Variants in IQSEC2 observed in about 807,000 individuals in gnomAD.
IQSEC2 encodes the protein IQ motif and Sec7 domain ArfGEF 2, also known as IQ motif and SEC7 domain-containing protein 2.
A neutral mutation model predicts 74.6 loss-of-function variants in IQSEC2; 6 were observed. The ratio of observed to expected loss-of-function variants is 0.08; its 90% CI spans 0.04 to 0.16. The LOEUF (loss-of-function observed/expected upper bound fraction) is 0.16. Ranked by LOEUF, IQSEC2 falls within the 10% of genes least tolerant of loss-of-function variation. The pLI is 1.00. For missense variants in IQSEC2, 734 were observed against 1,306.2 expected (o/e 0.56, Z 6.75); for synonymous variants, 494 against 544.5 (o/e 0.91, Z 1.29).
Position 53,236,446 on chromosome X carries a change from A to T in IQSEC2, c.3327T>A (p.Pro1109=). 2 of 1,202,623 alleles carry T rather than the reference A, an allele frequency of 1.7e-6. No individual in the cohort carries two copies. The highest frequency in any genetic ancestry group is 2.2e-6 in the Non-Finnish European group (2 of 890,598). ...KGMMRPNASQ[P]GGAKDSVNGT... is the part of the protein sequence containing the mutation. ...CATTCACTGAGTCCTTGGCCCCTCCAGGCTGTGAGGCGTTAGGCCGCATCA... is the reference window on the plus strand; with the variant it reads ...CATTCACTGAGTCCTTGGCCCCTCCTGGCTGTGAGGCGTTAGGCCGCATCA... Residue 1109 remains proline (P), a synonymous_variant, in exon 13 of 15, where the codon CCT becomes CCA. Transcript: ENST00000642864.
chrX:53,240,774 CTT>C (rs34233943), intron 10 of IQSEC2, among the ~76,000 whole-genome samples: 15 of 96,966 alleles, frequency 1.5e-4, no homozygotes, highest in Admixed American at 2.3e-4. Context: ...CTTCAAGCAT[CTT>C]TTTTTTTTTT....
At chrX:53,311,498 T>C (rs1556878038) in intron 1 of IQSEC2, among the ~76,000 whole-genome samples, 2 of 111,688 alleles carry the variant, frequency 1.8e-5, no homozygotes, top group African/African-American at 6.5e-5. Flanking sequence ...TCTAGACTGC[T>C]GTACCAGCCT....
intron 2 of IQSEC2, among the ~76,000 whole-genome samples, chrX:53,268,724 G>A (rs1274225081): frequency 2.7e-5 from 3 of 111,734 alleles, no homozygotes; most frequent in African/African-American, 9.8e-5. Flanking sequence ...GGGTCCTCAA[G>A]TTGGCATTCA....
chrX:53,318,809 C>T (rs1569340736), intron 1 of IQSEC2, among the ~76,000 whole-genome samples: 1 of 113,026 alleles, frequency 8.8e-6, no homozygotes, highest in Non-Finnish European at 1.9e-5. Context: ...CAGCCAGGCT[C>T]GACCATACCC....
chrX:53,291,835 G>A (rs2075103278), intron 2 of IQSEC2, 60 bp downstream of exon 2: 3 of 1,050,749 alleles, frequency 2.9e-6, no homozygotes, highest in Non-Finnish European at 2.6e-6. Context: ...ACAAACCAGA[G>A]GCCCCCACCC....
chrX:53,235,074 G>A lies in IQSEC2; in HGVS notation c.3612C>T (p.Phe1204=). Residue 1204 remains phenylalanine, a synonymous_variant, in exon 15 of 15, where the codon TTC becomes TTT. Coordinates refer to ENST00000642864, the MANE Select transcript of IQSEC2 (RefSeq NM_001111125.3). ...SQRPVSNSSS[F]LGSLFGSKRG... ...GCTTGCTTCCAAATAGGGAGCCCAGGAAGGATGAGGAGTTGGAGACGGGCC... is the reference window on the plus strand; with the variant it reads ...GCTTGCTTCCAAATAGGGAGCCCAGAAAGGATGAGGAGTTGGAGACGGGCC... 2 of 1,107,881 alleles carry A rather than the reference G, an allele frequency of 1.8e-6. No homozygotes were observed. Among genetic ancestry groups the A allele is most frequent in the Non-Finnish European group, 2.4e-6 (2 of 837,063 alleles). 91.3% of individuals were successfully genotyped at this position (1,107,881 alleles called of 1,213,427 possible).
At chrX:53,242,721 C>T (rs1234597210) in intron 9 of IQSEC2, among the ~76,000 whole-genome samples, 2 of 111,193 alleles carry the variant, frequency 1.8e-5, no homozygotes, top group African/African-American at 6.6e-5. Flanking sequence ...TGTTTGTTGG[C>T]TAAAGCGTTT....
chrX:53,280,252 T>A (rs1360001267), intron 2 of IQSEC2, among the ~76,000 whole-genome samples: 7 of 102,246 alleles, frequency 6.8e-5, no homozygotes, highest in African/African-American at 2.6e-4. Context: ...AGAAGATCCC[T>A]CACAGGAAGG....
At chrX:53,260,541 T>C (rs900400617) in intron 2 of IQSEC2, among the ~76,000 whole-genome samples, 1 of 111,505 alleles carries the variant, frequency 9.0e-6, no homozygotes, top group Non-Finnish European at 1.9e-5. Flanking sequence ...ACTGTGGCCA[T>C]GGATGGCTCT....
intron 1 of IQSEC2, among the ~76,000 whole-genome samples, chrX:53,293,394 C>T (rs1485305693): frequency 8.9e-6 from 1 of 111,934 alleles, no homozygotes; most frequent in African/African-American, 3.2e-5. Context: ...TCAGCAGATG[C>T]CAGTAGCACC....
intron 2 of IQSEC2, 52 bp downstream of exon 2, chrX:53,291,843 C>A (rs2075103346): frequency 9.0e-7 from 1 of 1,107,961 alleles, no homozygotes. Flanking sequence ...GAGGCCCCCA[C>A]CCCAGGCCCT....
At chrX:53,294,743 T>TAGGGATGAAGAGGG (rs2146438296) in intron 1 of IQSEC2, among the ~76,000 whole-genome samples, 1 of 112,358 alleles carries the variant, frequency 8.9e-6, no homozygotes, top group South Asian at 3.7e-4. Flanking sequence ...ACTAGATCCC[T>TAGGGATGAAGAGGG]CTTCATCAAT....
intron 9 of IQSEC2, among the ~76,000 whole-genome samples, chrX:53,243,076 G>T (rs186896802): frequency 2.2e-4 from 25 of 112,245 alleles, no homozygotes; most frequent in Admixed American, 2.2e-3. Flanking sequence ...CTAACCATTA[G>T]CTTGGCTCTT....
intron 14 of IQSEC2, 25 bp downstream of exon 14, chrX:53,235,758 G>T: frequency 8.6e-7 from 1 of 1,164,340 alleles, no homozygotes; most frequent in Non-Finnish European, 1.1e-6. Context: ...TGCAGAGGAC[G>T]AGTGGGGCAG....
chrX:53,247,244 T>TGCA, intron 7 of IQSEC2, 109 bp from the exon 8 acceptor site: 1 of 772,112 alleles, frequency 1.3e-6, no homozygotes, highest in Non-Finnish European at 1.9e-6. Context: ...AATACTTTCT[T>TGCA]GATCTCTGGG....
At chrX:53,284,137 G>A (rs2075002747) in intron 2 of IQSEC2, among the ~76,000 whole-genome samples, 1 of 110,823 alleles carries the variant, frequency 9.0e-6, no homozygotes, top group South Asian at 3.9e-4. Flanking sequence ...TGTGGGGTGG[G>A]GAGTATCTTT....
intron 1 of IQSEC2, among the ~76,000 whole-genome samples, chrX:53,298,869 T>G (rs1435505364): frequency 1.8e-5 from 2 of 111,625 alleles, no homozygotes; most frequent in Non-Finnish European, 3.8e-5. Context: ...TCACTATTTT[T>G]AATTTCCCAG....
At chrX:53,265,662 C>T (rs1335619209) in intron 2 of IQSEC2, among the ~76,000 whole-genome samples, 2 of 111,252 alleles carry the variant, frequency 1.8e-5, no homozygotes, top group Non-Finnish European at 3.8e-5. Context: ...CCTACAAACC[C>T]GTAAAGGACA....
intron 1 of IQSEC2, 44 bp downstream of exon 1, chrX:53,320,363 AGTTGGAGAGG>A (rs1218295267): frequency 6.0e-5 from 61 of 1,024,151 alleles, no homozygotes; most frequent in Non-Finnish European, 7.8e-5. Flanking sequence ...CAGCTGGACA[AGTTGGAGAGG>A]GATCTAGAGG....
Sources: gnomAD v4.1 joint callset for allele counts (sites outside exome capture counted in the v4.1 genomes callset) on GRCh38, gnomAD v4.1.1 for gene constraint, MANE v1.5 for transcripts, NCBI Gene and HGNC (gene_info 2026-07-23, HGNC 2026-07-21) for gene names.